The following CHRM2 variants were observed in gnomAD, a reference collection of about 807,000 sequenced individuals.
CHRM2 encodes muscarinic acetylcholine receptor M2.
Under a neutral mutation model 25.0 loss-of-function variants are expected in CHRM2, and 8 were observed. That is an observed-to-expected ratio of 0.32 (90% confidence interval 0.19 to 0.58). CHRM2 has a LOEUF of 0.58. Ranked by LOEUF, CHRM2 falls within the 20% of genes least tolerant of loss-of-function variation. The probability of loss-of-function intolerance (pLI) is 0.88; values close to 1 mark genes in which losing one functional copy is unlikely to be tolerated. For missense variants in CHRM2, 440 were observed against 567.1 expected (o/e 0.78, Z 2.28); for synonymous variants, 202 against 205.7 (o/e 0.98, Z 0.15).
At chr7:136,978,169 T>C (rs1478729814) in intron 2 of CHRM2, among the ~76,000 whole-genome samples, 1 of 152,138 alleles carries the variant, frequency 6.6e-6, no homozygotes. Context: ...CATAGAGCCA[T>C]ACAACATACC....
chr7:136,920,344 A>T (rs1798359828), intron 2 of CHRM2, among the ~76,000 whole-genome samples: 1 of 152,112 alleles, frequency 6.6e-6, no homozygotes, highest in South Asian at 2.1e-4. Context: ...TAAGTAGTTG[A>T]CCACCCATGT....
intron 2 of CHRM2, among the ~76,000 whole-genome samples, chr7:136,980,813 GC>G (rs1286223364): frequency 1.3e-5 from 2 of 152,154 alleles, no homozygotes; most frequent in Non-Finnish European, 1.5e-5. Flanking sequence ...TAGTGGATAA[GC>G]TTTTTAACGT....
chr7:136,896,648 C>T (rs1796914125), intron 2 of CHRM2, among the ~76,000 whole-genome samples: 2 of 151,900 alleles, frequency 1.3e-5, no homozygotes, highest in Non-Finnish European at 2.9e-5. Flanking sequence ...CTTTCATGAC[C>T]CTAAATAACA....
intron 2 of CHRM2, among the ~76,000 whole-genome samples, chr7:136,963,400 A>C (rs1801219130): frequency 6.6e-6 from 1 of 152,158 alleles, no homozygotes; most frequent in Non-Finnish European, 1.5e-5. Context: ...AATTCAAGAA[A>C]ATCAAAGCAG....
intron 2 of CHRM2, among the ~76,000 whole-genome samples, chr7:136,968,721 A>AATAAAT (rs139803400): frequency 1.5e-4 from 21 of 142,470 alleles, no homozygotes; most frequent in African/African-American, 5.1e-4. Flanking sequence ...TATTATCATA[A>AATAAAT]ATATATATAT....
chr7:136,927,447 A>G (rs1798811543), intron 2 of CHRM2, among the ~76,000 whole-genome samples: 1 of 152,036 alleles, frequency 6.6e-6, no homozygotes, highest in Non-Finnish European at 1.5e-5. Context: ...AAGGTTTTAA[A>G]TGCTAACATT....
chr7:137,003,642 T>C (rs983879826), intron 3 of CHRM2, among the ~76,000 whole-genome samples: 1 of 152,096 alleles, frequency 6.6e-6, no homozygotes, highest in Non-Finnish European at 1.5e-5. Flanking sequence ...AATCCTACTC[T>C]AACATGTTAT....
intron 2 of CHRM2, among the ~76,000 whole-genome samples, chr7:136,970,631 G>T (rs540165892): frequency 6.6e-6 from 1 of 152,120 alleles, no homozygotes; most frequent in African/African-American, 2.4e-5. Flanking sequence ...ATCACCTTCA[G>T]TTCATTCATG....
At chr7:136,981,728 G>T (rs993437732) in intron 2 of CHRM2, among the ~76,000 whole-genome samples, 2 of 152,086 alleles carry the variant, frequency 1.3e-5, no homozygotes, top group African/African-American at 4.8e-5. Context: ...TCAGGAGTAG[G>T]TTGTTCAGTT....
intron 3 of CHRM2, among the ~76,000 whole-genome samples, chr7:137,008,127 T>C (rs1282914523): frequency 6.6e-6 from 1 of 152,144 alleles, no homozygotes; most frequent in African/African-American, 2.4e-5. Flanking sequence ...AACATATTTA[T>C]TTGCAAATAT....
intron 3 of CHRM2, among the ~76,000 whole-genome samples, chr7:136,996,074 G>A (rs2131039673): frequency 6.6e-6 from 1 of 151,892 alleles, no homozygotes; most frequent in African/African-American, 2.4e-5. Flanking sequence ...TGTGGAGAAA[G>A]TGTAAACTGC....
intron 2 of CHRM2, among the ~76,000 whole-genome samples, chr7:136,928,088 G>T (rs1359550864): frequency 6.6e-6 from 1 of 152,072 alleles, no homozygotes; most frequent in Non-Finnish European, 1.5e-5. Context: ...GATTGGGAAA[G>T]GGACATTAAA....
chr7:137,006,327 G>T (rs1237176325), intron 3 of CHRM2, among the ~76,000 whole-genome samples: 1 of 152,080 alleles, frequency 6.6e-6, no homozygotes, highest in South Asian at 2.1e-4. Flanking sequence ...TAGTGACAAG[G>T]ACAAAGGTCC....
At position 137,015,621 on chromosome 7, in the gene CHRM2, C is replaced by T. The variant is rs531986911; in HGVS notation, c.756C>T (p.Asp252=). 2.4e-5 allele frequency: 38 copies of T among 1,612,972 alleles called. No individual in the cohort carries two copies. The highest frequency in any genetic ancestry group is 1.8e-4 in the Admixed American group (11 of 59,836). Residue 252 remains aspartate, a synonymous_variant, in exon 4 of 4, where the codon GAC becomes GAT. Transcript: ENST00000680005. The surrounding 1 kb of genome is among the most constrained non-coding windows in gnomAD (Gnocchi z 5.1). ...KPNNNNMPSS[D]DGLEHNKIQN... ...ACAATAACAACATGCCCAGCAGTGA[C>T]GATGGCCTGGAGCACAACAAAATCC...
At chr7:136,888,432 T>A (rs1450741254) in intron 2 of CHRM2, among the ~76,000 whole-genome samples, 1 of 152,188 alleles carries the variant, frequency 6.6e-6, no homozygotes, top group Non-Finnish European at 1.5e-5. Context: ...TTGGAAGCTG[T>A]GAGAATTCAG....
chr7:136,885,110 T>G (rs898515546), intron 2 of CHRM2, among the ~76,000 whole-genome samples: 1 of 152,236 alleles, frequency 6.6e-6, no homozygotes, highest in Admixed American at 6.5e-5. Context: ...TTCAATCTTT[T>G]TAGAAAATGT....
chr7:136,919,418 TTAG>T (rs1479595087), intron 2 of CHRM2, among the ~76,000 whole-genome samples: 1 of 152,150 alleles, frequency 6.6e-6, no homozygotes, highest in Non-Finnish European at 1.5e-5. Flanking sequence ...AGAATATTAA[TTAG>T]TATTCAAATT....
chr7:136,915,063 T>C (rs1798032942), intron 2 of CHRM2, among the ~76,000 whole-genome samples: 1 of 151,792 alleles, frequency 6.6e-6, no homozygotes, highest in African/African-American at 2.4e-5. Context: ...ATTATGACTT[T>C]TAGGAGTTAG....
chr7:136,906,151 T>C (rs1270060078), intron 2 of CHRM2, among the ~76,000 whole-genome samples: 2 of 150,772 alleles, frequency 1.3e-5, no homozygotes, highest in Admixed American at 6.7e-5. Flanking sequence ...TATATATGTA[T>C]ACATATATAC....
Sources: allele counts gnomAD v4.1 joint callset (sites outside exome capture counted in the v4.1 genomes callset), GRCh38; gene constraint gnomAD v4.1.1; non-coding constraint Gnocchi (gnomAD v3.1); transcripts MANE v1.5; gene names NCBI Gene and HGNC (gene_info 2026-07-23, HGNC 2026-07-21).